Variants in SIPA1L1 observed in about 807,000 individuals in gnomAD.
SIPA1L1 encodes the protein signal induced proliferation associated 1 like 1, also known as signal-induced proliferation-associated 1-like protein 1.
In SIPA1L1, 26 loss-of-function variants were observed where a neutral mutation model predicts 162.7. That is an observed-to-expected ratio of 0.16 (90% CI 0.12 to 0.22). The LOEUF is 0.22. SIPA1L1 is among the 10% of genes least tolerant of loss of function. The probability of loss-of-function intolerance (pLI) is 1.00; values close to 1 mark genes in which losing one functional copy is unlikely to be tolerated. For synonymous variants in SIPA1L1, 829 were observed against 837.4 expected (o/e 0.99, Z 0.17); for missense variants, 1,874 against 2,241.0 (o/e 0.84, Z 3.31).
In SIPA1L1 at chr14:71,724,791, A is replaced by C. The variant is rs780311261; in HGVS notation, c.4570A>C (p.Ile1524Leu). ...STIEEDLKKL[I>L]DLESPTPESQ... ...CATTGAAGAAGATCTAAAGAAACTA[A>C]TTGATCTTGAAAGCCCAACTCCTGA... Residue 1524 changes from isoleucine (I) to leucine (L), a missense_variant, in exon 19 of 24, where the codon ATT (isoleucine) becomes CTT (leucine). Ile to Leu is a conservative substitution (Grantham distance 5). Around this residue, in one of 5 missense-constraint regions of SIPA1L1, gnomAD observed 936 missense variants for 1,051.9 expected, o/e 0.89. Transcript: ENST00000381232. 9.3e-6 allele frequency: 15 copies of C among 1,614,066 alleles called. No homozygotes were observed. In the African/African-American group the frequency reaches 2.0e-4, roughly 22 times the overall value.
At chr14:71,372,515 C>T (rs571596572) in intron 2 of SIPA1L1, among the ~76,000 whole-genome samples, 95 of 152,198 alleles carry the variant, frequency 6.2e-4, no homozygotes, top group African/African-American at 2.2e-3. Context: ...GTTTTCAGTA[C>T]GTAGAATTTA....
intron 17 of SIPA1L1, among the ~76,000 whole-genome samples, chr14:71,720,922 G>A (rs2083666881): frequency 6.6e-6 from 1 of 152,110 alleles, no homozygotes; most frequent in Non-Finnish European, 1.5e-5. Context: ...TCTGAATTCT[G>A]TGTCACTCTG....
At chr14:71,718,163 T>C (rs2083412223) in intron 17 of SIPA1L1, among the ~76,000 whole-genome samples, 1 of 152,192 alleles carries the variant, frequency 6.6e-6, no homozygotes. Context: ...ATATCTAGGA[T>C]TGGGACACAA....
At chr14:71,725,788 G>A (rs1180685158) in intron 19 of SIPA1L1, among the ~76,000 whole-genome samples, 3 of 152,204 alleles carry the variant, frequency 2.0e-5, no homozygotes, top group African/African-American at 7.2e-5. Flanking sequence ...CCCCAGAAAG[G>A]TCATGGCTGC....
At chr14:71,733,249 G>A (rs2084967797) in intron 20 of SIPA1L1, among the ~76,000 whole-genome samples, 1 of 152,148 alleles carries the variant, frequency 6.6e-6, no homozygotes. Context: ...CCCTCTAGTA[G>A]GAAGAAACAT....
chr14:71,325,687 C>T (rs1175577287), intron 2 of SIPA1L1, among the ~76,000 whole-genome samples: 1 of 152,114 alleles, frequency 6.6e-6, no homozygotes, highest in African/African-American at 2.4e-5. Flanking sequence ...TTTAGCTGGC[C>T]CGTAGTAAGT....
intron 2 of SIPA1L1, among the ~76,000 whole-genome samples, chr14:71,428,989 T>C (rs1052649025): frequency 3.9e-5 from 6 of 152,202 alleles, no homozygotes; most frequent in African/African-American, 1.4e-4. Context: ...AAAATAATTA[T>C]TTTGGATAGA....
At chr14:71,323,091 ATTTGCTTTGCT>A (rs1206866205) in intron 2 of SIPA1L1, among the ~76,000 whole-genome samples, 2 of 152,100 alleles carry the variant, frequency 1.3e-5, no homozygotes, top group African/African-American at 2.4e-5. Flanking sequence ...AGGCTTCTGC[ATTTGCTTTGCT>A]TTTGCTTTGA....
At chr14:71,590,196 A>T (rs1274335176) in intron 5 of SIPA1L1, among the ~76,000 whole-genome samples, 1 of 151,776 alleles carries the variant, frequency 6.6e-6, no homozygotes, top group African/African-American at 2.4e-5. Context: ...AAGTAGTATA[A>T]GTGAACCCTT....
At chr14:71,729,535 G>A (rs2084560193) in intron 19 of SIPA1L1, among the ~76,000 whole-genome samples, 1 of 152,134 alleles carries the variant, frequency 6.6e-6, no homozygotes, top group Admixed American at 6.5e-5. Context: ...CGACAAGCTT[G>A]TCAGGATACC....
At chr14:71,726,560 C>T (rs1309894218) in intron 19 of SIPA1L1, among the ~76,000 whole-genome samples, 1 of 152,122 alleles carries the variant, frequency 6.6e-6, no homozygotes, top group Non-Finnish European at 1.5e-5. Context: ...GTCCTTATTC[C>T]AGGTCTTGGC....
chr14:71,383,398 T>C (rs984152990), intron 2 of SIPA1L1, among the ~76,000 whole-genome samples: 1 of 152,206 alleles, frequency 6.6e-6, no homozygotes, highest in African/African-American at 2.4e-5. Flanking sequence ...TTTAATATAT[T>C]GGAAGATATT....
At chr14:71,689,447 A>G (rs2081097073) in intron 13 of SIPA1L1, among the ~76,000 whole-genome samples, 2 of 152,184 alleles carry the variant, frequency 1.3e-5, no homozygotes, top group African/African-American at 4.8e-5. Flanking sequence ...TTTGGCCTCA[A>G]ATTTACCTAG....
In SIPA1L1 at chr14:71,324,392, C is replaced by A. The variant is rs114023144; in HGVS notation, c.-465+3211C>A. On this transcript the variant is annotated intron_variant, in intron 2 of 23. Transcript: ENST00000381232. ...ATATTTAATTGCACTCGTTTCTTTT[C>A]TTTTTTTCCTACCTTAGAGCCTGTT... Among the ~76,000 whole-genome samples, 281 of 152,244 alleles carry A rather than the reference C, an allele frequency of 1.8e-3. 1 individual carries two copies. Among genetic ancestry groups the A allele is most frequent in the African/African-American group, 6.4e-3 (265 of 41,548 alleles).
chr14:71,502,255 A>AAAAAAAATATATATATATAT (rs67020418), intron 2 of SIPA1L1, among the ~76,000 whole-genome samples: 1 of 97,556 alleles, frequency 1.0e-5, no homozygotes, highest in African/African-American at 4.5e-5. Flanking sequence ...AAAAAAAAAA[A>AAAAAAAATATATATATATAT]ATATATATAT....
rs371099121 is a variant in SIPA1L1, at chr14:71,709,788, T to G, written c.4208+124T>G. On this transcript the variant is annotated intron_variant, in intron 17 of 23. Coordinates refer to ENST00000381232, the MANE Select transcript of SIPA1L1 (RefSeq NM_001386936.1). The stretch of plus-strand genomic sequence containing the variant: ...GAGGTTTTTCTGCAGTGACAATTAT[T>G]TTTATATGTTTAATGCCCTTTATTT... 3 of 727,858 alleles carry G rather than the reference T, an allele frequency of 4.1e-6. No individual in the cohort carries two copies. The African/African-American group carries it at 5.3e-5, about 13-fold the overall frequency. The allele number at this position is 727,858 out of a possible 1,614,324, so 45.1% of individuals were successfully genotyped here.
chr14:71,558,408 T>TTTTAG (rs1404068986), intron 4 of SIPA1L1, among the ~76,000 whole-genome samples: 1 of 152,238 alleles, frequency 6.6e-6, no homozygotes, highest in East Asian at 1.9e-4. Flanking sequence ...AGTGATAGGT[T>TTTTAG]TTTAGGAGAC....
chr14:71,612,533 G>C (rs2038348131), intron 5 of SIPA1L1, among the ~76,000 whole-genome samples: 1 of 152,106 alleles, frequency 6.6e-6, no homozygotes, highest in Admixed American at 6.5e-5. Flanking sequence ...TATTTTTACT[G>C]TTCATAATTA....
intron 5 of SIPA1L1, among the ~76,000 whole-genome samples, chr14:71,591,147 G>A (rs2035337154): frequency 6.6e-6 from 1 of 151,944 alleles, no homozygotes; most frequent in South Asian, 2.1e-4. Context: ...TTTCCTATTA[G>A]GCAGTATAAT....
Sources: gnomAD v4.1 joint callset for allele counts (sites outside exome capture counted in the v4.1 genomes callset) on GRCh38, gnomAD v4.1.1 for gene constraint, gnomAD v4.1.1 regional missense constraint, MANE v1.5 for transcripts, NCBI Gene and HGNC (gene_info 2026-07-23, HGNC 2026-07-21) for gene names.